Variants in SHOC1 observed in about 807,000 individuals in gnomAD.
The protein encoded by SHOC1 is protein shortage in chiasmata 1 ortholog.
In SHOC1, 136 loss-of-function variants were observed where a neutral mutation model predicts 179.2. That is an observed-to-expected ratio of 0.76 (90% CI 0.66 to 0.87). SHOC1 has a LOEUF of 0.87. Among genes scored for constraint, SHOC1 ranks in the 40% least tolerant of loss-of-function variants. SHOC1 has a pLI of 0.00. For missense variants in SHOC1, 1,538 were observed against 1,700.8 expected (o/e 0.90, Z 1.68); for synonymous variants, 489 against 586.6 (o/e 0.83, Z 2.41).
In SHOC1 at chr9:111,759,223, C is replaced by T. The variant is rs753086012; in HGVS notation, c.443-375G>A. The T allele has an allele frequency of 1.4e-5, 23 of 1,613,644 alleles. No individual in the cohort carries two copies. The African/African-American group carries it at 2.8e-4, about 20-fold the overall frequency. On this transcript the variant is annotated intron_variant, in intron 5 of 27. Transcript: ENST00000682961. ...AATAGAAGTATTTGACTTCTGCTGA[C>T]CTTGGTCTTCTCTGCATCATTTTAC...
At chr9:111,732,916 C>T (rs946229755) in intron 12 of SHOC1, among the ~76,000 whole-genome samples, 1 of 152,158 alleles carries the variant, frequency 6.6e-6, no homozygotes, top group African/African-American at 2.4e-5. Context: ...AAAATAGGTG[C>T]AGTCTTCCTG....
intron 5 of SHOC1, 136 bp downstream of exon 5, chr9:111,775,655 T>C (rs1835800434): frequency 3.2e-6 from 2 of 617,980 alleles, no homozygotes; most frequent in Non-Finnish European, 5.3e-6. Context: ...ACTGCCCTAA[T>C]GTGGCAAAGC....
chr9:111,700,016 G>A lies in SHOC1; in HGVS notation c.3121C>T (p.Leu1041=), dbSNP rs1197451348. The A allele has an allele frequency of 2.1e-5, 33 of 1,602,620 alleles. No homozygotes were observed. The highest frequency in any genetic ancestry group is 2.7e-5 in the African/African-American group (2 of 74,682). ...ACCAAAGCTGCATAAATCAGTGCTAGGTGATGAAGTGTCTTTTCTGTAAGC... is the reference window on the plus strand; with the variant it reads ...ACCAAAGCTGCATAAATCAGTGCTAAGTGATGAAGTGTCTTTTCTGTAAGC... The part of the protein sequence containing the change: ...YLLTEKTLHH[L]ALIYAALVSF... Residue 1041 remains leucine (L), a synonymous_variant, in exon 24 of 28, where the codon CTA becomes TTA. Coordinates refer to ENST00000682961, the MANE Select transcript of SHOC1 (RefSeq NM_001378211.1).
chr9:111,768,008 G>C (rs1458035818), intron 5 of SHOC1, among the ~76,000 whole-genome samples: 1 of 151,926 alleles, frequency 6.6e-6, no homozygotes, highest in Non-Finnish European at 1.5e-5. Flanking sequence ...CAATTCATGA[G>C]TATGAAATAT....
Position 111,738,515 on chromosome 9 carries a change from T to C in SHOC1, c.1182A>G (p.Arg394=). ...PLNPFLLTVP[R]IQEPHSQYSV... ...AATATTGGCTGTGGGGCTCTTGAAT[T>C]CTTGGCACTTAAAAAAAAATAAAAA... Residue 394 remains arginine (R), a synonymous_variant, in exon 12 of 28, where the codon AGA becomes AGG. Transcript: ENST00000682961. 1 of 1,547,616 alleles carries C rather than the reference T, an allele frequency of 6.5e-7. No individual in the cohort carries two copies. The highest frequency in any genetic ancestry group is 1.2e-5 in the South Asian group (1 of 80,642).
intron 3 of SHOC1, 69 bp downstream of exon 3, chr9:111,785,843 A>T: frequency 7.9e-7 from 1 of 1,273,442 alleles, no homozygotes; most frequent in Non-Finnish European, 1.0e-6. Flanking sequence ...GCATATTCTT[A>T]ATAATTTGCT....
intron 12 of SHOC1, among the ~76,000 whole-genome samples, chr9:111,732,917 A>G (rs1833650209): frequency 6.6e-6 from 1 of 152,224 alleles, no homozygotes; most frequent in Admixed American, 6.5e-5. Context: ...AAATAGGTGC[A>G]GTCTTCCTGC....
intron 4 of SHOC1, 33 bp downstream of exon 4, chr9:111,780,896 TG>T (rs751364187): frequency 6.9e-7 from 1 of 1,441,976 alleles, no homozygotes; most frequent in South Asian, 1.2e-5. Context: ...TTCTACTAGA[TG>T]TAAAAGAGAA....
At chr9:111,693,490 C>A (rs1831543406) in intron 26 of SHOC1, among the ~76,000 whole-genome samples, 1 of 149,194 alleles carries the variant, frequency 6.7e-6, no homozygotes, top group African/African-American at 2.5e-5. Context: ...ATAATCCCAG[C>A]TACTTGGGAG....
intron 1 of SHOC1, among the ~76,000 whole-genome samples, chr9:111,794,258 C>T (rs1434285852): frequency 6.8e-6 from 1 of 147,710 alleles, no homozygotes; most frequent in East Asian, 2.0e-4. Flanking sequence ...CTTCTTCACT[C>T]CCTCGCATAA....
intron 5 of SHOC1, among the ~76,000 whole-genome samples, chr9:111,767,954 G>A (rs147087585): frequency 0.013 from 1,906 of 150,326 alleles, 24 homozygotes; most frequent in Non-Finnish European, 0.021. Flanking sequence ...AATTGCTTTG[G>A]ATAGTATTGT....
chr9:111,768,338 C>G (rs1034498185), intron 5 of SHOC1, among the ~76,000 whole-genome samples: 15 of 151,580 alleles, frequency 9.9e-5, no homozygotes, highest in African/African-American at 3.1e-4. Context: ...TGATTCTCCT[C>G]TAGCCTCCTG....
chr9:111,744,887 A>T (rs1834201382), intron 10 of SHOC1, among the ~76,000 whole-genome samples: 2 of 152,156 alleles, frequency 1.3e-5, no homozygotes, highest in African/African-American at 4.8e-5. Context: ...GCTATCTCAG[A>T]CTCTATCAAA....
intron 15 of SHOC1, among the ~76,000 whole-genome samples, chr9:111,720,644 T>C (rs1832994080): frequency 6.6e-6 from 1 of 152,230 alleles, no homozygotes; most frequent in Non-Finnish European, 1.5e-5. Context: ...TATTTCTTTT[T>C]CATTCTTTCA....
chr9:111,788,859 T>C (rs1836352719), intron 2 of SHOC1, among the ~76,000 whole-genome samples: 1 of 152,200 alleles, frequency 6.6e-6, no homozygotes, highest in African/African-American at 2.4e-5. Flanking sequence ...AATTTGGCTC[T>C]GCCTTTACTT....
chr9:111,740,754 T>C (rs1833994958), intron 11 of SHOC1, among the ~76,000 whole-genome samples: 1 of 152,048 alleles, frequency 6.6e-6, no homozygotes, highest in African/African-American at 2.4e-5. Flanking sequence ...GTATTTTTAG[T>C]AGAGAGGGGG....
intron 5 of SHOC1, 92 bp downstream of exon 5, chr9:111,775,699 T>G (rs1300109669): frequency 6.4e-6 from 7 of 1,096,656 alleles, no homozygotes; most frequent in Non-Finnish European, 8.9e-6. Context: ...TAATAAAAAA[T>G]TTTTTATTCA....
chr9:111,703,912 G>A lies in SHOC1; in HGVS notation c.2936C>T (p.Thr979Ile), dbSNP rs771861977. 1 of 1,605,156 alleles carries A rather than the reference G, an allele frequency of 6.2e-7. No homozygotes were observed. Among genetic ancestry groups the A allele is most frequent in the East Asian group, 2.2e-5 (1 of 44,562 alleles). The change falls in exon 22 of 28, where the codon ACA (threonine) becomes ATA (isoleucine). Residue 979 changes from threonine (T) to isoleucine (I), a missense_variant. By Grantham distance (89) the Thr-to-Ile change is moderately conservative. Transcript: ENST00000682961. ...FGSSECYVVV[T>I]IDEHTAIILQ... ...AATTATGGCAGTGTGTTCATCAATT[G>A]TCACCACTACATAACACTCTGAACT...
intron 8 of SHOC1, among the ~76,000 whole-genome samples, chr9:111,756,109 C>A (rs1471791632): frequency 1.3e-5 from 2 of 151,586 alleles, no homozygotes; most frequent in Admixed American, 1.3e-4. Flanking sequence ...GCAACAAGAG[C>A]GAAATTTTGT....
Sources: gnomAD v4.1 joint callset for allele counts (sites outside exome capture counted in the v4.1 genomes callset) on GRCh38, gnomAD v4.1.1 for gene constraint, MANE v1.5 for transcripts, NCBI Gene and HGNC (gene_info 2026-07-23, HGNC 2026-07-21) for gene names.